The following KLHL7 variants were observed in gnomAD, a reference collection of about 807,000 sequenced individuals.
KLHL7 encodes the protein kelch-like protein 7.
KLHL7 carries 44 observed loss-of-function variants against 67.4 expected under a neutral mutation model. The observed-to-expected ratio is 0.65, with a 90% CI of 0.51 to 0.84. The LOEUF is 0.84. Ranked by LOEUF, KLHL7 falls within the 40% of genes least tolerant of loss-of-function variation. The pLI is 0.00. For missense variants in KLHL7, 362 were observed against 718.1 expected (o/e 0.50, Z 5.67); for synonymous variants, 252 against 243.3 (o/e 1.04, Z -0.33).
intron 4 of KLHL7, among the ~76,000 whole-genome samples, chr7:23,128,063 A>C (rs1783645827): frequency 6.7e-6 from 1 of 149,924 alleles, no homozygotes; most frequent in Non-Finnish European, 1.5e-5. Context: ...CGGGAGGCGG[A>C]GGTTGCAGTG....
chr7:23,157,541 T>G (rs943037455), intron 7 of KLHL7, among the ~76,000 whole-genome samples: 4 of 152,152 alleles, frequency 2.6e-5, no homozygotes, highest in African/African-American at 9.7e-5. Context: ...AAGAAGAGAG[T>G]AAATCACATC....
rs1203687267 is a variant in KLHL7, at chr7:23,176,539, G to T, written c.*2241G>T. The T allele has an allele frequency of 6.6e-6, 1 of 152,318 alleles. No homozygotes were observed. Among genetic ancestry groups the T allele is most frequent in the Non-Finnish European group, 1.5e-5 (1 of 68,202 alleles). 9.4% of individuals were successfully genotyped at this position (152,318 alleles called of 1,614,324 possible). On this transcript the variant is annotated 3_prime_UTR_variant, in exon 11 of 11. Transcript: ENST00000339077. ...AAAAAATAAAAAGTTAGCAGGTGTGGTATATACCTGCAGTTCTAGCTACTC... is the reference window on the plus strand; with the variant it reads ...AAAAAATAAAAAGTTAGCAGGTGTGTTATATACCTGCAGTTCTAGCTACTC...
At position 23,154,562 on chromosome 7, in the gene KLHL7, C is replaced by A. The variant is rs138576787; in HGVS notation, c.936+2353C>A. Among the ~76,000 whole-genome samples the A allele has an allele frequency of 2.0e-5, 3 of 152,274 alleles. No individual in the cohort carries two copies. The East Asian group carries it at 5.8e-4, about 29-fold the overall frequency. ...AGACATATAGGATCCTTTCCATTTT[C>A]TGGTCTCCAGAAATGGTTAGCATTA... On this transcript the variant is annotated intron_variant, in intron 7 of 10. Coordinates refer to ENST00000339077, the MANE Select transcript of KLHL7 (RefSeq NM_001031710.3).
At chr7:23,111,177 C>A (rs770385022) in intron 1 of KLHL7, among the ~76,000 whole-genome samples, 3 of 152,088 alleles carry the variant, frequency 2.0e-5, no homozygotes, top group Non-Finnish European at 4.4e-5. Flanking sequence ...AGGAAGTTTT[C>A]TCTAAGGAAA....
At chr7:23,110,813 T>G (rs1782838773) in intron 1 of KLHL7, among the ~76,000 whole-genome samples, 1 of 130,872 alleles carries the variant, frequency 7.6e-6, no homozygotes, top group African/African-American at 3.2e-5. Context: ...CCCCTTCCTG[T>G]GTCCGTGTGT....
chr7:23,123,140 A>G (rs970991759), intron 1 of KLHL7, among the ~76,000 whole-genome samples: 11 of 152,276 alleles, frequency 7.2e-5, no homozygotes, highest in African/African-American at 2.6e-4. Flanking sequence ...TACTATTTTG[A>G]CGTTGGTCAG....
At chr7:23,141,840 G>C (rs1317270624) in intron 5 of KLHL7, among the ~76,000 whole-genome samples, 1 of 152,022 alleles carries the variant, frequency 6.6e-6, no homozygotes, top group South Asian at 2.1e-4. Flanking sequence ...AGCCAGGATG[G>C]TCTAGATCTC....
intron 4 of KLHL7, among the ~76,000 whole-genome samples, chr7:23,135,947 C>T (rs868212507): frequency 2.0e-5 from 3 of 152,152 alleles, no homozygotes; most frequent in East Asian, 1.9e-4. Flanking sequence ...AATCTGTGGC[C>T]GTGTGACTTG....
At chr7:23,152,489 G>T (rs1424969739) in intron 7 of KLHL7, among the ~76,000 whole-genome samples, 3 of 128,958 alleles carry the variant, frequency 2.3e-5, no homozygotes, top group African/African-American at 1.1e-4. Flanking sequence ...GCAGCTCCTT[G>T]CATTCATTAC....
rs1784557123 is a variant in KLHL7, at chr7:23,152,182, A to G, written c.909A>G (p.Pro303=). ...YRIALFGGSQ[P]QSCRYFNPKD... ...TAGCCCTATTTGGAGGCTCTCAACCACAGTCTTGTAGATATTTTAACCCAA... is the reference window on the plus strand; with the variant it reads ...TAGCCCTATTTGGAGGCTCTCAACCGCAGTCTTGTAGATATTTTAACCCAA... The change falls in exon 7 of 11, where the codon CCA becomes CCG. Residue 303 remains proline, a synonymous_variant. Coordinates refer to ENST00000339077, the MANE Select transcript of KLHL7 (RefSeq NM_001031710.3). 1 of 1,613,824 alleles carries G rather than the reference A, an allele frequency of 6.2e-7. No homozygotes were observed. Among genetic ancestry groups the G allele is most frequent in the Non-Finnish European group, 8.5e-7 (1 of 1,179,856 alleles).
chr7:23,134,588 C>CTT (rs1331968142), intron 4 of KLHL7, among the ~76,000 whole-genome samples: 1 of 152,006 alleles, frequency 6.6e-6, no homozygotes, highest in African/African-American at 2.4e-5. Flanking sequence ...AGGTCCCAGG[C>CTT]TTTTTTTACT....
chr7:23,113,069 A>G (rs1041155522), intron 1 of KLHL7, among the ~76,000 whole-genome samples: 1 of 151,910 alleles, frequency 6.6e-6, no homozygotes, highest in African/African-American at 2.4e-5. Flanking sequence ...GAGGGGATTG[A>G]TAGTAGGTGT....
intron 7 of KLHL7, among the ~76,000 whole-genome samples, chr7:23,159,767 C>G (rs1186508316): frequency 6.6e-6 from 1 of 152,148 alleles, no homozygotes; most frequent in Non-Finnish European, 1.5e-5. Flanking sequence ...TGAGCTCAAG[C>G]AATCTGCCTG....
intron 7 of KLHL7, among the ~76,000 whole-genome samples, chr7:23,157,672 C>T (rs1422581980): frequency 6.6e-6 from 1 of 152,140 alleles, no homozygotes; most frequent in Non-Finnish European, 1.5e-5. Context: ...CTAAAATCAA[C>T]TTCACAGCCC....
chr7:23,145,120 T>C (rs1271717387), intron 6 of KLHL7, among the ~76,000 whole-genome samples: 1 of 152,052 alleles, frequency 6.6e-6, no homozygotes, highest in African/African-American at 2.4e-5. Context: ...GAAAGAAAGA[T>C]AGTTAAACTG....
chr7:23,151,824 G>A (rs1784545384), intron 6 of KLHL7, among the ~76,000 whole-genome samples: 1 of 152,068 alleles, frequency 6.6e-6, no homozygotes, highest in Non-Finnish European at 1.5e-5. Flanking sequence ...CTGGTACATA[G>A]TAGTTGCTTA....
At chr7:23,145,122 G>T (rs1784315424) in intron 6 of KLHL7, among the ~76,000 whole-genome samples, 1 of 151,902 alleles carries the variant, frequency 6.6e-6, no homozygotes, top group Non-Finnish European at 1.5e-5. Context: ...AAGAAAGATA[G>T]TTAAACTGAA....
chr7:23,119,097 A>G (rs532466407), intron 1 of KLHL7, among the ~76,000 whole-genome samples: 39 of 152,174 alleles, frequency 2.6e-4, no homozygotes, highest in Non-Finnish European at 5.6e-4. Context: ...AATTGAGCAG[A>G]AAGTATAGTA....
At chr7:23,161,416 G>A (rs1784850841) in intron 7 of KLHL7, among the ~76,000 whole-genome samples, 1 of 152,162 alleles carries the variant, frequency 6.6e-6, no homozygotes. Context: ...ACATTTAGTT[G>A]ATTTACAGTT....
Sources: gnomAD v4.1 joint callset for allele counts (sites outside exome capture counted in the v4.1 genomes callset) on GRCh38, gnomAD v4.1.1 for gene constraint, MANE v1.5 for transcripts, NCBI Gene and HGNC (gene_info 2026-07-23, HGNC 2026-07-21) for gene names.